PLCB4: variants seen among roughly 807,000 people sequenced by gnomAD.
The protein encoded by PLCB4 is phospholipase C beta 4.
In PLCB4, 77 loss-of-function variants were observed where a neutral mutation model predicts 178.8. That is an observed-to-expected ratio of 0.43 (90% CI 0.36 to 0.52). The LOEUF is 0.52. Ranked by LOEUF, PLCB4 falls within the 20% of genes least tolerant of loss-of-function variation. The pLI, the probability that PLCB4 is intolerant of heterozygous loss-of-function variation, is 0.00. For missense variants in PLCB4, 1,024 were observed against 1,453.4 expected, an observed-to-expected ratio of 0.70 and a Z score of 4.80; for synonymous variants, 496 against 490.8, an observed-to-expected ratio of 1.01 and a Z score of -0.14.
In PLCB4 at chr20:9,249,847, G is replaced by A. The variant is rs2094161939; in HGVS notation, c.-16+32395G>A. On this transcript the variant is annotated intron_variant, in intron 3 of 39. Coordinates refer to ENST00000378473, the MANE Select transcript of PLCB4 (RefSeq NM_001377142.1). ...TAACCTATGGGAAAGACAGGACCCTGTCTATATTATATTTATGTTCTCCTC... is the reference window on the plus strand; with the variant it reads ...TAACCTATGGGAAAGACAGGACCCTATCTATATTATATTTATGTTCTCCTC... Among the ~76,000 whole-genome samples the A allele has an allele frequency of 2.6e-5, 4 of 152,086 alleles. No homozygotes were observed. In the South Asian group the frequency reaches 8.3e-4, roughly 32 times the overall value.
intron 2 of PLCB4, among the ~76,000 whole-genome samples, chr20:9,211,714 T>C (rs980522804): frequency 1.3e-5 from 2 of 152,220 alleles, no homozygotes; most frequent in Admixed American, 1.3e-4. Context: ...TAAATAATTA[T>C]AGTTATGTAC....
At position 9,468,666 on chromosome 20, in the gene PLCB4, G is replaced by A. The variant is rs775720888; in HGVS notation, c.3344G>A (p.Arg1115Gln). Reference protein sequence around the residue: ...QDKSIKNKAERERRVRELNSS... With the variant: ...QDKSIKNKAEQERRVRELNSS... ...AAATCTATCAAGAATAAAGCAGAAC[G>A]GGAAAGGTAAGTCTGAGAGTGTTCA... is the stretch of plus-strand genomic sequence containing the variant. Residue 1115 changes from arginine to glutamine, a missense_variant, in exon 36 of 40, where the codon CGG becomes CAG. Physicochemically the swap from Arg to Gln is conservative, Grantham distance 43. This residue lies in a region of PLCB4 where 264 missense variants were observed against 283.2 expected (regional missense o/e 0.93). Coordinates refer to ENST00000378473, the MANE Select transcript of PLCB4 (RefSeq NM_001377142.1). 3 of 1,585,572 alleles carry A rather than the reference G, an allele frequency of 1.9e-6. No homozygotes were observed. The highest frequency in any genetic ancestry group is 1.7e-6 in the Non-Finnish European group (2 of 1,154,436).
chr20:9,143,373 T>C (rs1341568178), intron 2 of PLCB4, among the ~76,000 whole-genome samples: 5 of 152,284 alleles, frequency 3.3e-5, no homozygotes, highest in South Asian at 2.1e-4. Flanking sequence ...AAACTTCTTT[T>C]TGAGTGGAAT....
intron 12 of PLCB4, among the ~76,000 whole-genome samples, chr20:9,379,097 T>G (rs1373160644): frequency 4.6e-5 from 7 of 152,184 alleles, no homozygotes; most frequent in Non-Finnish European, 8.8e-5. Flanking sequence ...TTTGCTTTAT[T>G]TATTCACTTA....
intron 32 of PLCB4, among the ~76,000 whole-genome samples, chr20:9,446,032 G>A (rs1050878955): frequency 3.9e-5 from 6 of 152,260 alleles, no homozygotes; most frequent in African/African-American, 1.2e-4. Context: ...ATGCTGTGGC[G>A]GGTGGTAATA....
intron 2 of PLCB4, among the ~76,000 whole-genome samples, chr20:9,212,401 G>A (rs1601186418): frequency 6.6e-6 from 1 of 152,114 alleles, no homozygotes; most frequent in African/African-American, 2.4e-5. Flanking sequence ...GAATATCTTG[G>A]GGGAGGACAT....
At chr20:9,178,377 G>A (rs2093189484) in intron 2 of PLCB4, among the ~76,000 whole-genome samples, 1 of 151,912 alleles carries the variant, frequency 6.6e-6, no homozygotes, top group Non-Finnish European at 1.5e-5. Context: ...CACCTTCTGT[G>A]GTGGCATAAA....
chr20:9,194,266 G>A (rs1447325372), intron 2 of PLCB4, among the ~76,000 whole-genome samples: 2 of 152,088 alleles, frequency 1.3e-5, no homozygotes, highest in African/African-American at 4.8e-5. Flanking sequence ...TAATAGATAG[G>A]CCTTACTGTT....
chr20:9,375,579 G>A (rs1449464719), intron 12 of PLCB4, among the ~76,000 whole-genome samples: 5 of 152,144 alleles, frequency 3.3e-5, no homozygotes, highest in African/African-American at 7.2e-5. Flanking sequence ...TCAGACAGAT[G>A]CCTCTACTTT....
intron 1 of PLCB4, among the ~76,000 whole-genome samples, chr20:9,093,553 A>G (rs1393518313): frequency 6.6e-6 from 1 of 152,118 alleles, no homozygotes; most frequent in East Asian, 1.9e-4. Context: ...GAAGACCATG[A>G]ACTATGTTTT....
intron 3 of PLCB4, among the ~76,000 whole-genome samples, chr20:9,281,617 A>G (rs1353601894): frequency 2.0e-5 from 3 of 151,980 alleles, no homozygotes; most frequent in African/African-American, 7.2e-5. Flanking sequence ...TTATTACCTA[A>G]AACTGCTAAA....
At position 9,441,830 on chromosome 20, in the gene PLCB4, CTA is replaced by C. The variant is rs1269391570; in HGVS notation, c.2765-2149_2765-2148del. On this transcript the variant is annotated intron_variant, in intron 30 of 39. Transcript: ENST00000378473. ...AGCAGACGGCATTTGCTGCAGACCTCTATGAAGGTGGGGAGGTGTGAAATTCC... is the reference window on the plus strand; with the variant it reads ...AGCAGACGGCATTTGCTGCAGACCTCTGAAGGTGGGGAGGTGTGAAATTCC... Among the ~76,000 whole-genome samples the C allele has an allele frequency of 5.3e-5, 8 of 152,012 alleles. No homozygotes were observed. The South Asian group carries it at 1.5e-3, about 28-fold the overall frequency.
intron 3 of PLCB4, among the ~76,000 whole-genome samples, chr20:9,295,377 G>T (rs1725025633): frequency 1.3e-5 from 2 of 151,926 alleles, no homozygotes; most frequent in Non-Finnish European, 2.9e-5. Context: ...TTTGAGAGAG[G>T]GAAAAAACTG....
In PLCB4 at chr20:9,380,172, A is replaced by C. The variant is rs758239261; in HGVS notation, c.853+10A>C. On this transcript the variant is annotated intron_variant, in intron 13 of 39. Coordinates refer to ENST00000378473, the MANE Select transcript of PLCB4 (RefSeq NM_001377142.1). ...GATTTGAAGAAAAAAGGTAATAAAC[A>C]TGAAAAAAGGACTTAAAAAAAAAAA... is the stretch of plus-strand genomic sequence containing the variant. The C allele has an allele frequency of 2.3e-6, 3 of 1,297,188 alleles. No individual in the cohort carries two copies. Among genetic ancestry groups the C allele is most frequent in the South Asian group, 1.4e-5 (1 of 72,946 alleles). The allele number at this position is 1,297,188 out of a possible 1,614,324, so 80.4% of individuals were successfully genotyped here.
intron 1 of PLCB4, among the ~76,000 whole-genome samples, chr20:9,084,562 T>C (rs895192670): frequency 3.9e-5 from 6 of 152,118 alleles, no homozygotes; most frequent in African/African-American, 1.4e-4. Flanking sequence ...AAGTGCATTG[T>C]AGTGTTTTGC....
chr20:9,165,993 T>G (rs1389939359), intron 2 of PLCB4, among the ~76,000 whole-genome samples: 1 of 152,166 alleles, frequency 6.6e-6, no homozygotes, highest in Non-Finnish European at 1.5e-5. Context: ...TACTTGTAAC[T>G]TAAAAATTTT....
At chr20:9,381,740 A>G (rs1238264234) in intron 13 of PLCB4, among the ~76,000 whole-genome samples, 1 of 152,228 alleles carries the variant, frequency 6.6e-6, no homozygotes, top group African/African-American at 2.4e-5. Flanking sequence ...AAGACCCTAC[A>G]TTGGTACAAC....
chr20:9,187,730 C>CT (rs1016045551), intron 2 of PLCB4, among the ~76,000 whole-genome samples: 9 of 152,152 alleles, frequency 5.9e-5, no homozygotes, highest in Non-Finnish European at 1.0e-4. Flanking sequence ...CTGATAGAAA[C>CT]TAAGTTTTAG....
chr20:9,166,802 C>T (rs910624742), intron 2 of PLCB4: 6 of 152,052 alleles, frequency 3.9e-5, no homozygotes, highest in African/African-American at 4.8e-5. Context: ...AGGGCTATCA[C>T]GGTTTTATTT....
Sources: allele counts gnomAD v4.1 joint callset (sites outside exome capture counted in the v4.1 genomes callset), GRCh38; gene constraint gnomAD v4.1.1; regional missense constraint gnomAD v4.1.1; transcripts MANE v1.5; gene names NCBI Gene and HGNC (gene_info 2026-07-23, HGNC 2026-07-21).